The following CUX1 variants were observed in gnomAD, a reference collection of about 807,000 sequenced individuals.
CUX1 encodes the protein cut like homeobox 1.
CUX1 carries 31 observed loss-of-function variants against 158.8 expected under a neutral mutation model. The ratio of observed to expected loss-of-function variants is 0.20; its 90% CI spans 0.15 to 0.26. The LOEUF (loss-of-function observed/expected upper bound fraction) is 0.26. Among genes scored for constraint, CUX1 ranks in the 10% least tolerant of loss-of-function variants. CUX1 has a pLI of 1.00. For missense variants in CUX1, 1,589 were observed against 2,014.6 expected (o/e 0.79, Z 4.04); for synonymous variants, 879 against 862.1 (o/e 1.02, Z -0.34).
At position 102,202,208 on chromosome 7, in the gene CUX1, A is replaced by AG. The variant is rs782675628; in HGVS notation, c.2907+7dup. The stretch of plus-strand genomic sequence containing the variant: ...CCAGAGAATCTTCGGGGAGAAGGTA[A>AG]GGGATCTGCTCTGGGGGCTTTGGTT... On this transcript the variant is annotated splice_donor_region_variant and intron_variant, in intron 18 of 23. Coordinates refer to ENST00000292535, the MANE Select transcript of CUX1 (RefSeq NM_181552.4). 1.6e-5 allele frequency: 25 copies of AG among 1,597,446 alleles called. 1 individual carries two copies. The Admixed American group carries it at 4.2e-4, about 27-fold the overall frequency.
chr7:102,157,721 A>C (rs1421735600), intron 8 of CUX1, among the ~76,000 whole-genome samples: 1 of 152,176 alleles, frequency 6.6e-6, no homozygotes, highest in Non-Finnish European at 1.5e-5. Context: ...CGGAGGTTGC[A>C]GTGAGCCGAG....
At chr7:102,153,773 CA>C (rs1159726246) in intron 8 of CUX1, 1 of 152,102 alleles carries the variant, frequency 6.6e-6, no homozygotes, top group Middle Eastern at 3.2e-3. Flanking sequence ...AACACACAAG[CA>C]AAAACAGCTG....
chr7:101,981,267 A>G (rs1813407125), intron 2 of CUX1, among the ~76,000 whole-genome samples: 1 of 152,020 alleles, frequency 6.6e-6, no homozygotes, highest in Admixed American at 6.6e-5. Flanking sequence ...CTCTCTCCTG[A>G]CATAGTATGT....
intron 10 of CUX1, among the ~76,000 whole-genome samples, chr7:102,177,390 G>A (rs2131764597): frequency 6.6e-6 from 1 of 150,708 alleles, no homozygotes; most frequent in South Asian, 2.1e-4. Context: ...CTCCAGCCTG[G>A]GCGACAGACC....
intron 10 of CUX1, among the ~76,000 whole-genome samples, chr7:102,172,651 G>A (rs551285393): frequency 1.2e-3 from 185 of 152,320 alleles, no homozygotes; most frequent in Non-Finnish European, 1.9e-3. Flanking sequence ...TGAATTGGGC[G>A]TTCTGGCACC....
chr7:102,071,965 T>C (rs1468558982), intron 4 of CUX1, among the ~76,000 whole-genome samples: 1 of 152,130 alleles, frequency 6.6e-6, no homozygotes, highest in African/African-American at 2.4e-5. Flanking sequence ...AGCCTTTTGG[T>C]TTTCTGTGAG....
chr7:102,231,076 G>C (rs1303992111), intron 21 of CUX1, among the ~76,000 whole-genome samples: 2 of 146,806 alleles, frequency 1.4e-5, no homozygotes, highest in South Asian at 2.2e-4. Flanking sequence ...GTTGCCCAGG[G>C]TGGAGTGCAG....
intron 14 of CUX1, among the ~76,000 whole-genome samples, chr7:102,265,768 G>T (rs552560177): frequency 6.6e-6 from 1 of 152,210 alleles, no homozygotes; most frequent in African/African-American, 2.4e-5. Flanking sequence ...CTGCTGCTTG[G>T]TGCCCAGATC....
chr7:101,970,451 A>G (rs950049513), intron 2 of CUX1, among the ~76,000 whole-genome samples: 3 of 152,066 alleles, frequency 2.0e-5, no homozygotes, highest in Non-Finnish European at 4.4e-5. Flanking sequence ...GCCAAACCCC[A>G]CCGAGGTTTG....
intron 8 of CUX1, among the ~76,000 whole-genome samples, chr7:102,135,563 G>C (rs1217816187): frequency 7.4e-6 from 1 of 134,786 alleles, no homozygotes; most frequent in East Asian, 1.9e-4. Flanking sequence ...ACTTGTGTGT[G>C]TGTGTGTTTG....
At chr7:102,263,984 T>G (rs1790612848) in intron 14 of CUX1, among the ~76,000 whole-genome samples, 1 of 131,452 alleles carries the variant, frequency 7.6e-6, no homozygotes, top group Non-Finnish European at 1.6e-5. Context: ...GAGCCACTAT[T>G]CCCAGACAGA....
rs145059820 is a variant in CUX1 at position 102,085,516 on chromosome 7, G to A, written c.269-11848G>A. 2.6e-5 allele frequency among the ~76,000 whole-genome samples: 4 copies of A among 152,076 alleles called. No homozygotes were observed. In the East Asian group the frequency reaches 5.8e-4, roughly 22 times the overall value. On this transcript the variant is annotated intron_variant, in intron 4 of 23. Coordinates refer to ENST00000292535, the MANE Select transcript of CUX1 (RefSeq NM_181552.4). ...GATGGTTTTATAAGGAGCTTTTCCC[G>A]CTTTGCTTGTCACTCCTTCCTGCTG...
At chr7:101,821,618 G>C (rs1392263717) in intron 1 of CUX1, among the ~76,000 whole-genome samples, 1 of 149,456 alleles carries the variant, frequency 6.7e-6, no homozygotes, top group South Asian at 2.1e-4. Flanking sequence ...GATTACAGGC[G>C]TGAGCCACCG....
chr7:102,052,880 T>G (rs112998651), intron 3 of CUX1, among the ~76,000 whole-genome samples: 2,520 of 152,028 alleles, frequency 0.017, 84 homozygotes, highest in African/African-American at 0.058. Flanking sequence ...TGATCTCGGC[T>G]CAGTGCAACC....
chr7:102,247,893 G>C (rs934138104), intron 23 of CUX1, among the ~76,000 whole-genome samples: 20 of 152,198 alleles, frequency 1.3e-4, no homozygotes, highest in Non-Finnish European at 1.9e-4. Context: ...CACTTTTGGA[G>C]GCCAAGGCAG....
chr7:102,228,591 G>A (rs1798592825), intron 21 of CUX1, among the ~76,000 whole-genome samples: 1 of 152,080 alleles, frequency 6.6e-6, no homozygotes, highest in Non-Finnish European at 1.5e-5. Flanking sequence ...GTCCAGCCAG[G>A]AGTTCGAGAC....
intron 7 of CUX1, among the ~76,000 whole-genome samples, chr7:102,112,259 T>C (rs1232678010): frequency 1.3e-5 from 2 of 150,186 alleles, no homozygotes; most frequent in African/African-American, 4.9e-5. Context: ...TTTTTTTTTT[T>C]GAGACGGAGT....
At chr7:102,216,794 TCCCACACACACC>T (rs1797245244) in intron 20 of CUX1, among the ~76,000 whole-genome samples, 1 of 33,516 alleles carries the variant, frequency 3.0e-5, no homozygotes, top group South Asian at 1.3e-3. Flanking sequence ...ACACACACTC[TCCCACACACACC>T]CCCACACACA....
Position 102,092,745 on chromosome 7 carries a change from C to G in CUX1, c.269-4619C>G, listed in dbSNP as rs1310265463. On this transcript the variant is annotated intron_variant, in intron 4 of 23. Transcript: ENST00000292535. ...TGGGCAATGGGGTGTGAATCCCTAT[C>G]TATACTAAAAATACAAAATTATCCT... is the stretch of plus-strand genomic sequence containing the variant. Among the ~76,000 whole-genome samples, 4 of 151,876 alleles carry G rather than the reference C, an allele frequency of 2.6e-5. No homozygotes were observed. The South Asian group carries it at 6.2e-4, about 24-fold the overall frequency.
Sources: gnomAD v4.1 joint callset for allele counts (sites outside exome capture counted in the v4.1 genomes callset) on GRCh38, gnomAD v4.1.1 for gene constraint, MANE v1.5 for transcripts, NCBI Gene and HGNC (gene_info 2026-07-23, HGNC 2026-07-21) for gene names.